The following CCDC85C variants were observed in gnomAD, a reference collection of about 807,000 sequenced individuals.
CCDC85C encodes coiled-coil domain-containing protein 85C.
CCDC85C carries 18 observed loss-of-function variants against 38.3 expected under a neutral mutation model. The ratio of observed to expected loss-of-function variants is 0.47; its 90% CI spans 0.33 to 0.70. The LOEUF (loss-of-function observed/expected upper bound fraction) is 0.70, where lower values mean the gene tolerates loss of function less well. Ranked by LOEUF, CCDC85C falls within the 30% of genes least tolerant of loss-of-function variation. CCDC85C has a pLI of 0.03. For synonymous variants in CCDC85C, 264 were observed against 293.8 expected (o/e 0.90, Z 1.04); for missense variants, 566 against 621.2 (o/e 0.91, Z 0.94).
At position 99,504,036 on chromosome 14, in the gene CCDC85C, C is replaced by A; in HGVS notation, c.*11210G>T. 1 of 368,490 alleles carries A rather than the reference C, an allele frequency of 2.7e-6. No individual in the cohort carries two copies. Among genetic ancestry groups the A allele is most frequent in the Non-Finnish European group, 5.3e-6 (1 of 188,420 alleles). The allele number at this position is 368,490 out of a possible 1,614,324, so 22.8% of individuals were successfully genotyped here. On this transcript the variant is annotated 3_prime_UTR_variant, in exon 6 of 6. Coordinates refer to ENST00000380243, the MANE Select transcript of CCDC85C (RefSeq NM_001144995.2). ...GGGCAGTAGGGGGTGGTGTGCTGCCCGGACAGCACCAGCCCGGCCCAGCCC... is the reference window on the plus strand; with the variant it reads ...GGGCAGTAGGGGGTGGTGTGCTGCCAGGACAGCACCAGCCCGGCCCAGCCC...
chr14:99,508,471 C>T lies in CCDC85C; in HGVS notation c.*6775G>A, dbSNP rs1897031243. ...CCATTACAGATAGCCAGGAGTAGGC[C>T]TGGGACTTGAGTGGGACCTGGGTGC... On this transcript the variant is annotated 3_prime_UTR_variant, in exon 6 of 6. Transcript: ENST00000380243. 6.6e-6 allele frequency: 1 copy of T among 152,594 alleles called. No individual in the cohort carries two copies. 9.5% of individuals were successfully genotyped at this position (152,594 alleles called of 1,614,324 possible).
chr14:99,590,000 AAG>A (rs2139985983), intron 1 of CCDC85C, among the ~76,000 whole-genome samples: 1 of 152,336 alleles, frequency 6.6e-6, no homozygotes, highest in African/African-American at 2.4e-5. Context: ...TGCACCAAAC[AAG>A]AGGTCTTTTC....
At chr14:99,522,309 G>A (rs978796974) in intron 2 of CCDC85C, 69 bp from the exon 3 acceptor site, 5 of 1,181,678 alleles carry the variant, frequency 4.2e-6, no homozygotes, top group African/African-American at 1.5e-5. Context: ...CCTGGGCATG[G>A]CTCCTCACGG....
At chr14:99,528,460 G>A (rs530286302) in intron 2 of CCDC85C, among the ~76,000 whole-genome samples, 1 of 152,322 alleles carries the variant, frequency 6.6e-6, no homozygotes, top group East Asian at 1.9e-4. Context: ...GATTCACAAG[G>A]ACTCACTGAA....
chr14:99,603,152 C>T lies in CCDC85C; in HGVS notation c.793+15G>A. 4.5e-6 allele frequency: 6 copies of T among 1,322,410 alleles called. No homozygotes were observed. Among genetic ancestry groups the T allele is most frequent in the Non-Finnish European group, 5.8e-6 (6 of 1,036,238 alleles). 81.9% of individuals were successfully genotyped at this position (1,322,410 alleles called of 1,614,324 possible). A position where few individuals can be genotyped will look rare whatever the true frequency, so the allele number is the denominator to read the frequency against. Reference sequence around the variant, plus strand: ...GCCAGGGAGACCCGCGCTGCCCGGCCCGTGTAGTCCTTACCGTGCAGGCCG... The same window carrying T: ...GCCAGGGAGACCCGCGCTGCCCGGCTCGTGTAGTCCTTACCGTGCAGGCCG... On this transcript the variant is annotated intron_variant, in intron 1 of 5. Coordinates refer to ENST00000380243, the MANE Select transcript of CCDC85C (RefSeq NM_001144995.2). The surrounding 1 kb of genome is among the most constrained non-coding windows in gnomAD (Gnocchi z 7.5).
At chr14:99,570,573 G>C (rs2139961109) in intron 1 of CCDC85C, among the ~76,000 whole-genome samples, 1 of 152,250 alleles carries the variant, frequency 6.6e-6, no homozygotes, top group Non-Finnish European at 1.5e-5. Flanking sequence ...AGGAGGAGAG[G>C]GTCATGGGAG....
chr14:99,587,751 C>T (rs1175113032), intron 1 of CCDC85C, among the ~76,000 whole-genome samples: 6 of 152,140 alleles, frequency 3.9e-5, no homozygotes, highest in Admixed American at 2.6e-4. Flanking sequence ...CAGTCATGCG[C>T]CTGAGGACCC....
At chr14:99,532,498 C>T (rs1031542014) in intron 2 of CCDC85C, among the ~76,000 whole-genome samples, 8 of 152,222 alleles carry the variant, frequency 5.3e-5, no homozygotes, top group Admixed American at 4.6e-4. Flanking sequence ...AGTAGGTGGT[C>T]AGTTAAACAC....
Position 99,506,732 on chromosome 14 carries a change from G to A in CCDC85C, c.*8514C>T. 5 of 318,264 alleles carry A rather than the reference G, an allele frequency of 1.6e-5. No individual in the cohort carries two copies. Among genetic ancestry groups the A allele is most frequent in the South Asian group, 1.5e-4 (5 of 34,322 alleles). The allele number at this position is 318,264 out of a possible 1,614,324, so 19.7% of individuals were successfully genotyped here. On this transcript the variant is annotated 3_prime_UTR_variant, in exon 6 of 6. Transcript: ENST00000380243. ...CCCTTCTTTGTGTCCTCTGTACCAG[G>A]GAGGACTCCAGATAGGTCATACATG...
chr14:99,599,062 T>C (rs1234472741), intron 1 of CCDC85C, among the ~76,000 whole-genome samples: 1 of 152,120 alleles, frequency 6.6e-6, no homozygotes, highest in Non-Finnish European at 1.5e-5. Context: ...GTTCCTGAGC[T>C]TGGCTGGGTT....
In CCDC85C at chr14:99,537,479, C is replaced by T. The variant is rs1897626813; in HGVS notation, c.794-1391G>A. On this transcript the variant is annotated intron_variant, in intron 1 of 5. Transcript: ENST00000380243. Reference sequence around the variant, plus strand: ...GGATGCTTGGGAGCCCCCTATTCAGCCCTGGACCAGGCCTAGGGCCCAGCA... The same window carrying T: ...GGATGCTTGGGAGCCCCCTATTCAGTCCTGGACCAGGCCTAGGGCCCAGCA... 2.6e-5 allele frequency among the ~76,000 whole-genome samples: 4 copies of T among 152,248 alleles called. No individual in the cohort carries two copies. In the South Asian group the frequency reaches 8.3e-4, roughly 32 times the overall value.
intron 3 of CCDC85C, among the ~76,000 whole-genome samples, chr14:99,518,526 GGGAACCCAACAGGGACGCT>G (rs1897258844): frequency 6.6e-6 from 1 of 151,890 alleles, no homozygotes; most frequent in Non-Finnish European, 1.5e-5. Flanking sequence ...CTGTAGTGTA[GGGAACCCAACAGGGACGCT>G]GGGGATTCCC....
In CCDC85C at chr14:99,603,133, G is replaced by A. The variant is rs889894634; in HGVS notation, c.793+34C>T. 18 of 1,297,056 alleles carry A rather than the reference G, an allele frequency of 1.4e-5. No homozygotes were observed. Among genetic ancestry groups the A allele is most frequent in the South Asian group, 2.2e-5 (1 of 45,164 alleles). 80.3% of individuals were successfully genotyped at this position (1,297,056 alleles called of 1,614,324 possible). ...GCCTGGGAAAAGGGCTGCAGCCAGG[G>A]AGACCCGCGCTGCCCGGCCCGTGTA... On this transcript the variant is annotated intron_variant, in intron 1 of 5. Coordinates refer to ENST00000380243, the MANE Select transcript of CCDC85C (RefSeq NM_001144995.2). The surrounding 1 kb of genome is among the most constrained non-coding windows in gnomAD (Gnocchi z 7.5).
intron 1 of CCDC85C, among the ~76,000 whole-genome samples, chr14:99,543,521 C>T (rs1424805676): frequency 6.6e-6 from 1 of 152,146 alleles, no homozygotes; most frequent in Non-Finnish European, 1.5e-5. Context: ...ACAGGGTGTG[C>T]TGACCAGGAG....
intron 1 of CCDC85C, among the ~76,000 whole-genome samples, chr14:99,542,741 G>A (rs1020361171): frequency 3.9e-5 from 6 of 152,230 alleles, no homozygotes; most frequent in African/African-American, 9.6e-5. Flanking sequence ...ACCCTTGGCC[G>A]CTGCTTCATC....
At chr14:99,587,087 C>G (rs987061089) in intron 1 of CCDC85C, among the ~76,000 whole-genome samples, 29 of 152,230 alleles carry the variant, frequency 1.9e-4, no homozygotes, top group African/African-American at 7.0e-4. Flanking sequence ...AGGTTCTGGA[C>G]AGCCTCTGCA....
rs1324559683 is a variant in CCDC85C, at chr14:99,576,179, C to T, written c.793+26988G>A. ...GTACATCCAAGGCATAAACAGACCACAAGTCAAACTGTGACCTTGGGTGAG... is the reference window on the plus strand; with the variant it reads ...GTACATCCAAGGCATAAACAGACCATAAGTCAAACTGTGACCTTGGGTGAG... On this transcript the variant is annotated intron_variant, in intron 1 of 5. Coordinates refer to ENST00000380243, the MANE Select transcript of CCDC85C (RefSeq NM_001144995.2). The surrounding 1 kb of genome is among the most constrained non-coding windows in gnomAD (Gnocchi z 4.8). 1.3e-5 allele frequency among the ~76,000 whole-genome samples: 2 copies of T among 152,242 alleles called. No individual in the cohort carries two copies. The highest frequency in any genetic ancestry group is 4.8e-5 in the African/African-American group (2 of 41,464).
intron 1 of CCDC85C, among the ~76,000 whole-genome samples, chr14:99,546,213 T>C (rs1014324777): frequency 1.3e-5 from 2 of 151,820 alleles, no homozygotes; most frequent in Non-Finnish European, 2.9e-5. Context: ...AGTGCCAGGC[T>C]CTGTGGGAAG....
Position 99,572,432 on chromosome 14 carries a change from G to C in CCDC85C, c.793+30735C>G, listed in dbSNP as rs1595093905. On this transcript the variant is annotated intron_variant, in intron 1 of 5. Coordinates refer to ENST00000380243, the MANE Select transcript of CCDC85C (RefSeq NM_001144995.2). This position sits in a 1 kb window ranked among gnomAD's most constrained non-coding sequence, Gnocchi z 4.4. ...GCTCCCACCCCCACCCCAAGGCCCTGCTCCACAGGGAAGCCAGAGGGCCTC... is the reference window on the plus strand; with the variant it reads ...GCTCCCACCCCCACCCCAAGGCCCTCCTCCACAGGGAAGCCAGAGGGCCTC... 1.3e-5 allele frequency among the ~76,000 whole-genome samples: 2 copies of C among 148,912 alleles called. No individual in the cohort carries two copies. Among genetic ancestry groups the C allele is most frequent in the South Asian group, 4.2e-4 (2 of 4,742 alleles).
Sources: allele counts gnomAD v4.1 joint callset (sites outside exome capture counted in the v4.1 genomes callset), GRCh38; gene constraint gnomAD v4.1.1; non-coding constraint Gnocchi (gnomAD v3.1); transcripts MANE v1.5; gene names NCBI Gene and HGNC (gene_info 2026-07-23, HGNC 2026-07-21).